Variants in GRIA1 observed in about 807,000 individuals in gnomAD.
GRIA1 encodes the protein glutamate receptor 1.
GRIA1 carries 31 observed loss-of-function variants against 99.2 expected under a neutral mutation model. The observed-to-expected ratio is 0.31, with a 90% confidence interval of 0.23 to 0.42. The LOEUF is 0.42. Among genes scored for constraint, GRIA1 ranks in the 10% least tolerant of loss-of-function variants. GRIA1 has a pLI of 1.00. For missense variants in GRIA1, 782 were observed against 1,157.5 expected (o/e 0.68, Z 4.71); for synonymous variants, 438 against 432.4 (o/e 1.01, Z -0.16).
At chr5:153,763,916 A>G (rs1031777987) in intron 11 of GRIA1, among the ~76,000 whole-genome samples, 39 of 152,220 alleles carry the variant, frequency 2.6e-4, no homozygotes, top group Non-Finnish European at 2.9e-5. Context: ...TCTATTTCCA[A>G]TGTATTCTTC....
chr5:153,809,313 C>T lies in GRIA1; in HGVS notation c.2521-1712C>T, dbSNP rs561594000. ...ACTTAGAAGAATGCAATCCAGGTCA[C>T]ACTTTTTCTTCAATGGAAGACAGCC... is the stretch of plus-strand genomic sequence containing the variant. On this transcript the variant is annotated intron_variant, in intron 15 of 15. Coordinates refer to ENST00000285900, the MANE Select transcript of GRIA1 (RefSeq NM_000827.4). Among the ~76,000 whole-genome samples, 6 of 152,252 alleles carry T rather than the reference C, an allele frequency of 3.9e-5. No homozygotes were observed. In the South Asian group the frequency reaches 6.2e-4, roughly 16 times the overall value.
intron 2 of GRIA1, among the ~76,000 whole-genome samples, chr5:153,632,848 A>G (rs941843911): frequency 6.6e-6 from 1 of 152,246 alleles, no homozygotes; most frequent in East Asian, 1.9e-4. Flanking sequence ...ATCAAGATAC[A>G]TGCTAAGACA....
At chr5:153,771,428 C>G (rs932272115) in intron 13 of GRIA1, among the ~76,000 whole-genome samples, 2 of 152,190 alleles carry the variant, frequency 1.3e-5, no homozygotes, top group Non-Finnish European at 2.9e-5. Context: ...ATTCATTTAT[C>G]TTAATAATAC....
chr5:153,725,855 C>T (rs2149548827), intron 11 of GRIA1, among the ~76,000 whole-genome samples: 1 of 135,348 alleles, frequency 7.4e-6, no homozygotes, highest in Non-Finnish European at 1.6e-5. Flanking sequence ...AACAAGGATA[C>T]CCAGGAATTG....
intron 2 of GRIA1, among the ~76,000 whole-genome samples, chr5:153,556,679 C>G (rs927236370): frequency 8.5e-5 from 13 of 152,116 alleles, no homozygotes; most frequent in Non-Finnish European, 1.8e-4. Flanking sequence ...TTTCGAAAGG[C>G]CCTTCCACTT....
At chr5:153,501,348 C>G (rs1469418832) in intron 2 of GRIA1, among the ~76,000 whole-genome samples, 2 of 152,098 alleles carry the variant, frequency 1.3e-5, no homozygotes, top group African/African-American at 2.4e-5. Flanking sequence ...AAGAAAGGGC[C>G]ATGATTCTAT....
chr5:153,608,102 T>C (rs1765614467), intron 2 of GRIA1, among the ~76,000 whole-genome samples: 1 of 152,198 alleles, frequency 6.6e-6, no homozygotes, highest in Non-Finnish European at 1.5e-5. Context: ...AGTTGTTTCT[T>C]GTGAAGGGTC....
chr5:153,657,608 G>C (rs1755049252), intron 5 of GRIA1, among the ~76,000 whole-genome samples: 1 of 152,164 alleles, frequency 6.6e-6, no homozygotes, highest in Non-Finnish European at 1.5e-5. Context: ...ATAAGGCACA[G>C]GGTGCATGAA....
intron 13 of GRIA1, among the ~76,000 whole-genome samples, chr5:153,772,372 G>A (rs1763936514): frequency 6.6e-6 from 1 of 151,970 alleles, no homozygotes; most frequent in South Asian, 2.1e-4. Flanking sequence ...AGATTCTAAG[G>A]CAAGAAATCA....
In GRIA1 at chr5:153,688,241, C is replaced by T. The variant is rs140757789; in HGVS notation, c.1134+1912C>T. ...TACAGCAGGTACCAAATAAGGGCAC[C>T]CTATTTGGCTATGAATGTAGCCACT... On this transcript the variant is annotated intron_variant, in intron 8 of 15. Coordinates refer to ENST00000285900, the MANE Select transcript of GRIA1 (RefSeq NM_000827.4). Among the ~76,000 whole-genome samples, 452 of 152,234 alleles carry T rather than the reference C, an allele frequency of 3.0e-3. 4 individuals carry two copies. The highest frequency in any genetic ancestry group is 0.01 in the African/African-American group (422 of 41,556).
intron 3 of GRIA1, 32 bp from the exon 4 acceptor site, chr5:153,650,297 CT>C: frequency 6.7e-7 from 1 of 1,493,708 alleles, no homozygotes. Context: ...TCCTGACTGT[CT>C]GTCATTTCTC....
intron 10 of GRIA1, among the ~76,000 whole-genome samples, chr5:153,701,470 C>T (rs779514504): frequency 3.3e-5 from 5 of 151,418 alleles, no homozygotes; most frequent in African/African-American, 7.3e-5. Flanking sequence ...AAAAATTAGC[C>T]GGGCATGGTA....
At chr5:153,585,036 G>A (rs1763350114) in intron 2 of GRIA1, among the ~76,000 whole-genome samples, 1 of 152,168 alleles carries the variant, frequency 6.6e-6, no homozygotes, top group Admixed American at 6.5e-5. Context: ...CTATTCAACA[G>A]TGCACGAGCT....
chr5:153,710,636 A>G (rs1759245339), intron 11 of GRIA1, among the ~76,000 whole-genome samples: 1 of 152,178 alleles, frequency 6.6e-6, no homozygotes, highest in South Asian at 2.1e-4. Flanking sequence ...TTTCTGATCC[A>G]TTTCCCCATG....
intron 2 of GRIA1, among the ~76,000 whole-genome samples, chr5:153,590,986 T>C (rs979222326): frequency 6.6e-6 from 1 of 152,170 alleles, no homozygotes; most frequent in Admixed American, 6.5e-5. Flanking sequence ...GCAAAGTGGG[T>C]TGCTATATTG....
chr5:153,614,519 T>C (rs1364155019), intron 2 of GRIA1, among the ~76,000 whole-genome samples: 1 of 152,208 alleles, frequency 6.6e-6, no homozygotes, highest in African/African-American at 2.4e-5. Context: ...ACTGGTCAAG[T>C]CACTCACCCA....
At chr5:153,605,115 A>T (rs930526640) in intron 2 of GRIA1, among the ~76,000 whole-genome samples, 4 of 151,650 alleles carry the variant, frequency 2.6e-5, no homozygotes, top group Non-Finnish European at 5.9e-5. Flanking sequence ...TGAGCCCAGG[A>T]TGTGGAGGTT....
At chr5:153,733,003 T>G (rs1761152171) in intron 11 of GRIA1, among the ~76,000 whole-genome samples, 1 of 151,532 alleles carries the variant, frequency 6.6e-6, no homozygotes, top group African/African-American at 2.4e-5. Context: ...TTTTCCACTG[T>G]GTATTCTTGA....
At chr5:153,665,317 G>A (rs780690921) in intron 5 of GRIA1, among the ~76,000 whole-genome samples, 7 of 152,214 alleles carry the variant, frequency 4.6e-5, no homozygotes, top group African/African-American at 7.2e-5. Context: ...CTGTTGGTGT[G>A]TTTGCAGATA....
Sources: gnomAD v4.1 joint callset for allele counts (sites outside exome capture counted in the v4.1 genomes callset) on GRCh38, gnomAD v4.1.1 for gene constraint, MANE v1.5 for transcripts, NCBI Gene and HGNC (gene_info 2026-07-23, HGNC 2026-07-21) for gene names.